The following NOX4 variants were observed in gnomAD, a reference collection of about 807,000 sequenced individuals.
NOX4 encodes kidney oxidase-1.
Under a neutral mutation model 87.6 loss-of-function variants are expected in NOX4, and 69 were observed. The ratio of observed to expected loss-of-function variants is 0.79; its 90% CI spans 0.65 to 0.96. The LOEUF is 0.96. Among genes scored for constraint, NOX4 ranks in the 40% least tolerant of loss-of-function variants. The probability of loss-of-function intolerance (pLI) is 0.00; values close to 1 mark genes in which losing one functional copy is unlikely to be tolerated. For missense variants in NOX4, 680 were observed against 681.5 expected, an observed-to-expected ratio of 1.00 and a Z score of 0.02; for synonymous variants, 275 against 238.2, an observed-to-expected ratio of 1.15 and a Z score of -1.42.
At chr11:89,429,173 C>A (rs1048660056) in intron 7 of NOX4, among the ~76,000 whole-genome samples, 4 of 152,126 alleles carry the variant, frequency 2.6e-5, no homozygotes, top group African/African-American at 9.7e-5. Flanking sequence ...AGAAAAAAGA[C>A]ACAACATACC....
intron 13 of NOX4, among the ~76,000 whole-genome samples, chr11:89,352,872 C>G (rs1252886628): frequency 2.0e-5 from 3 of 152,072 alleles, no homozygotes; most frequent in African/African-American, 7.2e-5. Context: ...CAGGCTGGAG[C>G]GCAGTGGCAC....
intron 8 of NOX4, among the ~76,000 whole-genome samples, chr11:89,417,765 T>A (rs1011101290): frequency 6.6e-6 from 1 of 152,114 alleles, no homozygotes; most frequent in Admixed American, 6.6e-5. Flanking sequence ...TACTAACATT[T>A]ATTAAGTATG....
At chr11:89,488,763 T>C (rs1428934505) in intron 2 of NOX4, 1 of 437,292 alleles carries the variant, frequency 2.3e-6, no homozygotes, top group East Asian at 3.4e-5. Context: ...AGATAAAGCT[T>C]CCACTGAAAA....
chr11:89,517,908 T>C, the NOX4 span, among the ~76,000 whole-genome samples: 38 of 152,186 alleles, frequency 2.5e-4, no homozygotes, highest in Admixed American at 2.3e-3. Context: ...TAAAGTGAAA[T>C]CTATGGAGGA....
chr11:89,541,204 A>C, the NOX4 span, among the ~76,000 whole-genome samples: 7 of 152,280 alleles, frequency 4.6e-5, no homozygotes, highest in Admixed American at 3.9e-4. Flanking sequence ...TAGAAGAAGC[A>C]GTTAAAACTT....
At chr11:89,576,635 G>T in the NOX4 span, among the ~76,000 whole-genome samples, 1 of 152,028 alleles carries the variant, frequency 6.6e-6, no homozygotes, top group Admixed American at 6.6e-5. Flanking sequence ...ATCCAGCTTT[G>T]TCTTTAGTGT....
chr11:89,510,601 C>G, the NOX4 span, among the ~76,000 whole-genome samples: 1 of 152,008 alleles, frequency 6.6e-6, no homozygotes, highest in Non-Finnish European at 1.5e-5. Flanking sequence ...ACACTCTATA[C>G]TTGAGTGTAG....
chr11:89,463,482 C>T (rs1945557755), intron 2 of NOX4, among the ~76,000 whole-genome samples: 1 of 151,974 alleles, frequency 6.6e-6, no homozygotes, highest in Middle Eastern at 3.2e-3. Context: ...CACAAAACAA[C>T]TCTATTTTAA....
the NOX4 span, among the ~76,000 whole-genome samples, chr11:89,556,252 T>C: frequency 6.6e-6 from 1 of 152,074 alleles, no homozygotes; most frequent in Admixed American, 6.6e-5. Context: ...ATAGAGGTTC[T>C]GGGAAGAAGG....
intron 4 of NOX4, among the ~76,000 whole-genome samples, chr11:89,444,522 CAT>C (rs1201585191): frequency 2.0e-5 from 2 of 101,500 alleles, no homozygotes; most frequent in Non-Finnish European, 3.7e-5. Flanking sequence ...CCCTAACACA[CAT>C]ACACACACAC....
At chr11:89,567,137 A>G in the NOX4 span, among the ~76,000 whole-genome samples, 1 of 152,140 alleles carries the variant, frequency 6.6e-6, no homozygotes, top group Non-Finnish European at 1.5e-5. Context: ...GTCTGATCTG[A>G]ACACACCCCT....
At chr11:89,518,160 G>A in the NOX4 span, among the ~76,000 whole-genome samples, 1 of 152,010 alleles carries the variant, frequency 6.6e-6, no homozygotes, top group South Asian at 2.1e-4. Context: ...TTAAGAATTT[G>A]TAGTTAGTAA....
intron 11 of NOX4, among the ~76,000 whole-genome samples, chr11:89,389,833 C>A (rs1274991011): frequency 2.0e-5 from 3 of 152,132 alleles, no homozygotes; most frequent in African/African-American, 7.2e-5. Flanking sequence ...TCTACCTCAA[C>A]TAAATGTGTG....
the NOX4 span, among the ~76,000 whole-genome samples, chr11:89,518,625 G>A: frequency 2.6e-5 from 4 of 151,924 alleles, no homozygotes; most frequent in Non-Finnish European, 5.9e-5. Context: ...TCCACAGCAC[G>A]TCCTCCTCCC....
intron 11 of NOX4, among the ~76,000 whole-genome samples, chr11:89,394,250 G>A (rs926048252): frequency 1.1e-4 from 17 of 152,150 alleles, no homozygotes; most frequent in African/African-American, 3.6e-4. Flanking sequence ...TTCAGTGATT[G>A]AGTATATACT....
intron 14 of NOX4, among the ~76,000 whole-genome samples, chr11:89,340,696 G>T (rs1394639240): frequency 1.3e-5 from 2 of 152,166 alleles, no homozygotes; most frequent in East Asian, 3.9e-4. Flanking sequence ...TCACAATCAT[G>T]TATGATGTAA....
chr11:89,535,095 A>AT, the NOX4 span, among the ~76,000 whole-genome samples: 1 of 152,096 alleles, frequency 6.6e-6, no homozygotes, highest in Non-Finnish European at 1.5e-5. Context: ...TTCTTGTTAC[A>AT]TTTTTTTCTT....
At chr11:89,489,027 G>A (rs754485128) in intron 2 of NOX4, 1 of 701,188 alleles carries the variant, frequency 1.4e-6, no homozygotes, top group Non-Finnish European at 2.6e-6. Context: ...TAAATGAAAT[G>A]GGTTTAGCTT....
At chr11:89,491,488 T>A, upstream of NOX4, 1 of 487,924 alleles carries the variant, frequency 2.0e-6, no homozygotes, top group Admixed American at 4.3e-5. Context: ...CCCACTCAGC[T>A]GCCCAGACGC....
Sources: gnomAD v4.1 joint callset for allele counts (sites outside exome capture counted in the v4.1 genomes callset) on GRCh38, gnomAD v4.1.1 for gene constraint, MANE v1.5 for transcripts, NCBI Gene and HGNC (gene_info 2026-07-23, HGNC 2026-07-21) for gene names.